The following CLNK variants were observed in gnomAD, a reference collection of about 807,000 sequenced individuals.
CLNK encodes cytokine dependent hematopoietic cell linker.
CLNK carries 74 observed loss-of-function variants against 68.6 expected under a neutral mutation model. The ratio of observed to expected loss-of-function variants is 1.08; its 90% CI spans 0.89 to 1.31. The LOEUF (loss-of-function observed/expected upper bound fraction) is 1.31. Ranked by LOEUF, CLNK falls within the 50% of genes most tolerant of loss-of-function variation. The pLI is 0.00. For synonymous variants in CLNK, 198 were observed against 172.2 expected (o/e 1.15, Z -1.17); for missense variants, 553 against 515.3 (o/e 1.07, Z -0.71).
intron 2 of CLNK, among the ~76,000 whole-genome samples, chr4:10,652,381 C>CAAAA (rs67304153): frequency 0.06 from 3,046 of 50,540 alleles, 235 homozygotes; most frequent in East Asian, 0.15. Context: ...GACTCTGTCT[C>CAAAA]AAAAAAAAAA....
At chr4:10,638,556 G>T (rs916148269) in intron 2 of CLNK, among the ~76,000 whole-genome samples, 1 of 152,174 alleles carries the variant, frequency 6.6e-6, no homozygotes, top group Non-Finnish European at 1.5e-5. Context: ...TGTGACAGTG[G>T]TATATTAATT....
chr4:10,561,299 C>T (rs1446118168), intron 7 of CLNK, among the ~76,000 whole-genome samples: 1 of 152,144 alleles, frequency 6.6e-6, no homozygotes, highest in African/African-American at 2.4e-5. Context: ...CCTTTTTCCT[C>T]ACATAATTTC....
chr4:10,676,749 C>T (rs1434130144), intron 1 of CLNK, among the ~76,000 whole-genome samples: 1 of 151,606 alleles, frequency 6.6e-6, no homozygotes, highest in Admixed American at 6.6e-5. Flanking sequence ...ACTTTTTATC[C>T]TTTTTCCTGT....
the CLNK span, among the ~76,000 whole-genome samples, chr4:10,714,080 A>C: frequency 6.6e-6 from 1 of 152,168 alleles, no homozygotes; most frequent in South Asian, 2.1e-4. Flanking sequence ...GTTGGGGAAG[A>C]GTGGTGGAAG....
chr4:10,558,454 T>C lies in CLNK; in HGVS notation c.400-2A>G, dbSNP rs765345168. ...GTCCTTGGAAATGGGTTTGTCCACC[T>C]GTACAAGACAATGAGGCACCATTAT... On this transcript the variant is annotated splice_acceptor_variant, in intron 7 of 18. Transcript: ENST00000226951. LOFTEE classifies it high-confidence loss of function. 1.5e-5 allele frequency: 25 copies of C among 1,613,496 alleles called. No individual in the cohort carries two copies. In the African/African-American group the frequency reaches 2.3e-4, roughly 15 times the overall value.
intron 18 of CLNK, among the ~76,000 whole-genome samples, chr4:10,498,794 C>T (rs1038243329): frequency 2.0e-5 from 3 of 152,164 alleles, no homozygotes; most frequent in East Asian, 1.9e-4. Flanking sequence ...TTCGTGTTAA[C>T]GTAGCACTTT....
chr4:10,721,009 C>T, the CLNK span, among the ~76,000 whole-genome samples: 3 of 152,128 alleles, frequency 2.0e-5, no homozygotes, highest in Admixed American at 6.5e-5. Flanking sequence ...ATTGTTAATA[C>T]ATACACAACT....
intron 2 of CLNK, among the ~76,000 whole-genome samples, chr4:10,650,978 T>C (rs1038879281): frequency 2.6e-5 from 4 of 152,192 alleles, no homozygotes; most frequent in African/African-American, 9.7e-5. Context: ...CTTAGAGATA[T>C]GCAAATCAAA....
chr4:10,599,628 T>G (rs998045363), intron 2 of CLNK, among the ~76,000 whole-genome samples: 3 of 152,200 alleles, frequency 2.0e-5, no homozygotes, highest in Non-Finnish European at 4.4e-5. Context: ...GACACAGGCC[T>G]TTTTCCTAGC....
Position 10,564,725 on chromosome 4 carries a change from C to T in CLNK, c.345G>A (p.Arg115=), listed in dbSNP as rs767960694. Residue 115 remains arginine, a synonymous_variant, in exon 7 of 19, where the codon AGG becomes AGA. Coordinates refer to ENST00000226951, the MANE Select transcript of CLNK (RefSeq NM_052964.4). ...AMDTPLPLDT[R]TSISIGQPTW... ...TCGGCTGTCCAATGGAGATAGAGGT[C>T]CTGGTGTCTAACGGAAGGGGAGTGT... The T allele has an allele frequency of 1.2e-6, 2 of 1,613,832 alleles. No homozygotes were observed. Among genetic ancestry groups the T allele is most frequent in the East Asian group, 2.2e-5 (1 of 44,886 alleles).
intron 14 of CLNK, among the ~76,000 whole-genome samples, chr4:10,522,621 T>C (rs1227543959): frequency 1.3e-5 from 2 of 152,118 alleles, no homozygotes; most frequent in African/African-American, 2.4e-5. Flanking sequence ...GATGACTCTT[T>C]TGTTTAACAA....
At chr4:10,587,616 T>G (rs1476440894) in intron 3 of CLNK, among the ~76,000 whole-genome samples, 4 of 152,214 alleles carry the variant, frequency 2.6e-5, no homozygotes, top group Non-Finnish European at 5.9e-5. Context: ...GGTCTACAAG[T>G]TGAGTCTGAC....
At chr4:10,681,094 A>G (rs1405378437) in intron 1 of CLNK, among the ~76,000 whole-genome samples, 3 of 152,204 alleles carry the variant, frequency 2.0e-5, no homozygotes, top group African/African-American at 7.2e-5. Flanking sequence ...CAGCTTTTGA[A>G]ATTACACAGC....
chr4:10,686,154 G>C (rs1577221284), upstream of CLNK, among the ~76,000 whole-genome samples: 1 of 152,012 alleles, frequency 6.6e-6, no homozygotes, highest in Admixed American at 6.6e-5. Flanking sequence ...CCGGCTTGTG[G>C]GTGTCTTTGT....
chr4:10,683,139 G>A (rs1725153438), intron 1 of CLNK, among the ~76,000 whole-genome samples: 2 of 152,090 alleles, frequency 1.3e-5, no homozygotes, highest in Non-Finnish European at 2.9e-5. Flanking sequence ...AAAGGGGGAG[G>A]AAATGAGGAT....
At chr4:10,711,355 T>C in the CLNK span, among the ~76,000 whole-genome samples, 1 of 152,222 alleles carries the variant, frequency 6.6e-6, no homozygotes, top group Non-Finnish European at 1.5e-5. Context: ...ACTTGGGTCT[T>C]CAATCTCACA....
chr4:10,505,677 T>C (rs979414646), intron 17 of CLNK, among the ~76,000 whole-genome samples: 7 of 152,156 alleles, frequency 4.6e-5, no homozygotes, highest in African/African-American at 1.7e-4. Flanking sequence ...CATTATCACG[T>C]CCCTCCTCTG....
At chr4:10,548,885 T>A (rs1719339906) in intron 8 of CLNK, among the ~76,000 whole-genome samples, 1 of 152,224 alleles carries the variant, frequency 6.6e-6, no homozygotes, top group African/African-American at 2.4e-5. Flanking sequence ...TGTGCATGTT[T>A]GGTGTACCAC....
In CLNK at chr4:10,490,471, A is replaced by G. The variant is rs780277477; in HGVS notation, c.1283T>C (p.Leu428Pro). The G allele has an allele frequency of 1.2e-6, 2 of 1,613,370 alleles. No individual in the cohort carries two copies. The highest frequency in any genetic ancestry group is 2.2e-5 in the South Asian group (2 of 90,812). Reference sequence around the variant, plus strand: ...AAAGATAACACAAAGACCAGGCTACAGAGGCAAGAGGTGTCTGGTGAGAGG... The same window carrying G: ...AAAGATAACACAAAGACCAGGCTACGGAGGCAAGAGGTGTCTGGTGAGAGG... ...PLPLTRHLLPL is the reference protein window; with the variant it reads ...PLPLTRHLLPP The change falls in exon 19 of 19, where the codon CTG (leucine) becomes CCG (proline). Residue 428 changes from leucine to proline, a missense_variant. Leu to Pro is a moderately conservative substitution (Grantham distance 98). Coordinates refer to ENST00000226951, the MANE Select transcript of CLNK (RefSeq NM_052964.4).
Sources: allele counts gnomAD v4.1 joint callset (sites outside exome capture counted in the v4.1 genomes callset), GRCh38; gene constraint gnomAD v4.1.1; transcripts MANE v1.5; gene names NCBI Gene and HGNC (gene_info 2026-07-23, HGNC 2026-07-21).